The following NXPE2 variants were observed in gnomAD, a reference collection of about 807,000 sequenced individuals.
The protein encoded by NXPE2 is neurexophilin and PC-esterase domain family member 2, also known as NXPE family member 2.
Under a neutral mutation model 34.4 loss-of-function variants are expected in NXPE2, and 34 were observed. That is an observed-to-expected ratio of 0.99 (90% confidence interval 0.75 to 1.31). The LOEUF (loss-of-function observed/expected upper bound fraction) is 1.31, where lower values mean the gene tolerates loss of function less well. Ranked by LOEUF, NXPE2 falls within the 40% of genes most tolerant of loss-of-function variation. The probability of loss-of-function intolerance (pLI) is 0.00; values close to 1 mark genes in which losing one functional copy is unlikely to be tolerated. For missense variants in NXPE2, 649 were observed against 672.5 expected, an observed-to-expected ratio of 0.97 and a Z score of 0.39; for synonymous variants, 235 against 231.3, an observed-to-expected ratio of 1.02 and a Z score of -0.15.
At chr11:114,474,323 A>G in the NXPE2 span, among the ~76,000 whole-genome samples, 3 of 152,286 alleles carry the variant, frequency 2.0e-5, no homozygotes, top group South Asian at 4.1e-4. Context: ...GCCCCAGGGC[A>G]CTCTGACATT....
chr11:114,747,579 G>A, the NXPE2 span, among the ~76,000 whole-genome samples: 4 of 152,288 alleles, frequency 2.6e-5, no homozygotes, highest in Admixed American at 2.0e-4. Flanking sequence ...AGCTAAAGGT[G>A]AAGGGGAAGC....
At chr11:114,580,654 G>T in the NXPE2 span, among the ~76,000 whole-genome samples, 1 of 152,104 alleles carries the variant, frequency 6.6e-6, no homozygotes, top group Non-Finnish European at 1.5e-5. Flanking sequence ...ATCAATTCTT[G>T]CATAGGAATG....
the NXPE2 span, among the ~76,000 whole-genome samples, chr11:114,466,584 T>G: frequency 6.6e-6 from 1 of 152,142 alleles, no homozygotes; most frequent in Non-Finnish European, 1.5e-5. Context: ...CAATTTTCAT[T>G]CTATGTGAAT....
At chr11:114,739,390 TCCTC>T in the NXPE2 span, among the ~76,000 whole-genome samples, 7 of 110,358 alleles carry the variant, frequency 6.3e-5, no homozygotes, top group African/African-American at 1.7e-4. Flanking sequence ...CTCCTTCCCT[TCCTC>T]CCTCCCTCCC....
At chr11:114,619,090 A>T in the NXPE2 span, among the ~76,000 whole-genome samples, 45 of 152,096 alleles carry the variant, frequency 3.0e-4, no homozygotes, top group African/African-American at 1.1e-3. Context: ...CATCATGGGT[A>T]ACCACTGTTG....
intron 3 of NXPE2, 118 bp from the exon 4 acceptor site, chr11:114,703,873 T>C (rs971914331): frequency 1.4e-6 from 1 of 727,126 alleles, no homozygotes; most frequent in Non-Finnish European, 2.3e-6. Flanking sequence ...ATCTTAAATA[T>C]ATCAAAATAA....
the NXPE2 span, among the ~76,000 whole-genome samples, chr11:114,772,857 C>G: frequency 6.6e-6 from 1 of 152,270 alleles, no homozygotes; most frequent in East Asian, 1.9e-4. Context: ...CCCTGGAAAT[C>G]GTCTCAGCAT....
At chr11:114,790,580 T>C in the NXPE2 span, among the ~76,000 whole-genome samples, 1 of 152,148 alleles carries the variant, frequency 6.6e-6, no homozygotes, top group South Asian at 2.1e-4. Flanking sequence ...GTCTGGAATT[T>C]GACATGTCTG....
chr11:114,770,352 A>G, the NXPE2 span, among the ~76,000 whole-genome samples: 1 of 152,226 alleles, frequency 6.6e-6, no homozygotes, highest in East Asian at 1.9e-4. Flanking sequence ...GTCTTTCCAG[A>G]GTGGATGCAA....
the NXPE2 span, among the ~76,000 whole-genome samples, chr11:114,725,976 A>AAAAATATATATAT: frequency 1.2e-4 from 12 of 101,752 alleles, no homozygotes; most frequent in Non-Finnish European, 1.4e-4. Context: ...ATAAAAAAAA[A>AAAAATATATATAT]ATATATATAT....
At chr11:114,793,180 T>C in the NXPE2 span, among the ~76,000 whole-genome samples, 2 of 152,174 alleles carry the variant, frequency 1.3e-5, no homozygotes, top group Non-Finnish European at 2.9e-5. Context: ...TTGCAAAACA[T>C]CTCTAAGTTC....
At chr11:114,545,694 T>C in the NXPE2 span, among the ~76,000 whole-genome samples, 1 of 150,726 alleles carries the variant, frequency 6.6e-6, no homozygotes, top group Non-Finnish European at 1.5e-5. Context: ...AGTGGATCTT[T>C]TTTTTTTTTT....
the NXPE2 span, among the ~76,000 whole-genome samples, chr11:114,579,128 CT>C: frequency 6.6e-6 from 1 of 152,150 alleles, no homozygotes; most frequent in Non-Finnish European, 1.5e-5. Context: ...GGCCGGGAAG[CT>C]TTTAGTCATG....
chr11:114,619,294 G>A, the NXPE2 span, among the ~76,000 whole-genome samples: 12,888 of 151,974 alleles, frequency 0.085, 659 homozygotes, highest in Middle Eastern at 0.2. Context: ...GTATTGCCTC[G>A]TGGGTAACCA....
chr11:114,632,497 T>C, the NXPE2 span, among the ~76,000 whole-genome samples: 6 of 125,736 alleles, frequency 4.8e-5, no homozygotes, highest in Non-Finnish European at 6.3e-5. Flanking sequence ...ATAATATATA[T>C]TATAGTATTT....
At chr11:114,801,980 A>C in the NXPE2 span, among the ~76,000 whole-genome samples, 1 of 152,180 alleles carries the variant, frequency 6.6e-6, no homozygotes, top group South Asian at 2.1e-4. Flanking sequence ...CTACACTTAT[A>C]AATTTACAAG....
At chr11:114,549,423 T>C in the NXPE2 span, among the ~76,000 whole-genome samples, 1 of 152,038 alleles carries the variant, frequency 6.6e-6, no homozygotes, top group Non-Finnish European at 1.5e-5. Flanking sequence ...AGAGTTTTAT[T>C]CCAGGAATAC....
the NXPE2 span, among the ~76,000 whole-genome samples, chr11:114,524,862 G>A: frequency 9.2e-5 from 14 of 152,156 alleles, no homozygotes; most frequent in Admixed American, 7.2e-4. Context: ...ATTTTGAACA[G>A]TATGTGGGTA....
chr11:114,764,569 C>G, the NXPE2 span, among the ~76,000 whole-genome samples: 1 of 152,098 alleles, frequency 6.6e-6, no homozygotes, highest in African/African-American at 2.4e-5. Flanking sequence ...ACACTAGTTT[C>G]TACACTTTTC....
Sources: gnomAD v4.1 joint callset for allele counts (sites outside exome capture counted in the v4.1 genomes callset) on GRCh38, gnomAD v4.1.1 for gene constraint, MANE v1.5 for transcripts, NCBI Gene and HGNC (gene_info 2026-07-23, HGNC 2026-07-21) for gene names.